Variants in CCBE1 observed in about 807,000 individuals in gnomAD.
CCBE1 encodes the protein collagen and calcium binding EGF domains 1.
CCBE1 carries 37 observed loss-of-function variants against 50.0 expected under a neutral mutation model. The observed-to-expected ratio is 0.74, with a 90% CI of 0.57 to 0.97. The LOEUF is 0.97. Ranked by LOEUF, CCBE1 falls within the 50% of genes least tolerant of loss-of-function variation. The pLI is 0.00. For missense variants in CCBE1, 538 were observed against 523.8 expected, an observed-to-expected ratio of 1.03 and a Z score of -0.26; for synonymous variants, 234 against 203.7, an observed-to-expected ratio of 1.15 and a Z score of -1.27.
At chr18:59,562,897 C>T (rs78059628) in intron 2 of CCBE1, among the ~76,000 whole-genome samples, 17 of 151,942 alleles carry the variant, frequency 1.1e-4, no homozygotes, top group Admixed American at 8.5e-4. Flanking sequence ...GTTTCGATCT[C>T]GTTTGTTTCA....
At chr18:59,621,913 T>A (rs985964275) in intron 2 of CCBE1, among the ~76,000 whole-genome samples, 1 of 152,158 alleles carries the variant, frequency 6.6e-6, no homozygotes, top group South Asian at 2.1e-4. Flanking sequence ...ACAGATGTCA[T>A]CCTTGGTGAC....
intron 2 of CCBE1, among the ~76,000 whole-genome samples, chr18:59,631,638 C>G (rs1329665401): frequency 6.6e-6 from 1 of 152,184 alleles, no homozygotes; most frequent in African/African-American, 2.4e-5. Context: ...GTGAGAGCAG[C>G]ATGGTTCAAG....
chr18:59,434,562 C>T lies in CCBE1; in HGVS notation c.*1346G>A, dbSNP rs370722132. ...TGCTTCCCTTTGCCACCCAGAGGTG[C>T]TCTGAGAAAACACTCTAACTCACTA... On this transcript the variant is annotated 3_prime_UTR_variant, in exon 11 of 11. Transcript: ENST00000439986. The T allele has an allele frequency of 7.2e-5, 11 of 152,288 alleles. No homozygotes were observed. The highest frequency in any genetic ancestry group is 4.1e-4 in the South Asian group (2 of 4,824). 9.4% of individuals were successfully genotyped at this position (152,288 alleles called of 1,614,324 possible).
At chr18:59,487,329 G>T (rs1912871639) in intron 2 of CCBE1, among the ~76,000 whole-genome samples, 1 of 151,938 alleles carries the variant, frequency 6.6e-6, no homozygotes, top group African/African-American at 2.4e-5. Flanking sequence ...AAGGCTGAGG[G>T]TTTAAAAGTG....
intron 2 of CCBE1, among the ~76,000 whole-genome samples, chr18:59,559,340 C>T (rs2052699963): frequency 1.3e-5 from 2 of 152,204 alleles, no homozygotes; most frequent in African/African-American, 4.8e-5. Context: ...CAGGCTTACC[C>T]AGTGATCTGT....
At chr18:59,693,179 A>G (rs2054759396) in intron 2 of CCBE1, among the ~76,000 whole-genome samples, 1 of 152,178 alleles carries the variant, frequency 6.6e-6, no homozygotes, top group African/African-American at 2.4e-5. Flanking sequence ...TGTTGCAGGA[A>G]GTCCCTTGCC....
chr18:59,577,702 C>T (rs1320259110), intron 2 of CCBE1, among the ~76,000 whole-genome samples: 5 of 152,156 alleles, frequency 3.3e-5, no homozygotes, highest in Admixed American at 1.3e-4. Context: ...TGTAGTGTTA[C>T]TGTATGAAAT....
chr18:59,690,589 G>T (rs1249895717), intron 2 of CCBE1, among the ~76,000 whole-genome samples: 1 of 152,200 alleles, frequency 6.6e-6, no homozygotes, highest in Non-Finnish European at 1.5e-5. Flanking sequence ...ACCCACCCCA[G>T]CTTCACTTAC....
intron 2 of CCBE1, among the ~76,000 whole-genome samples, chr18:59,545,348 C>A (rs890106458): frequency 1.4e-5 from 2 of 146,768 alleles, no homozygotes; most frequent in African/African-American, 4.9e-5. Flanking sequence ...GCACTCTCAA[C>A]ACAATTTCAC....
chr18:59,582,527 G>C (rs2053100754), intron 2 of CCBE1, among the ~76,000 whole-genome samples: 1 of 152,168 alleles, frequency 6.6e-6, no homozygotes, highest in South Asian at 2.1e-4. Context: ...CAGAGACTGA[G>C]GCAAGAGACT....
At chr18:59,443,592 A>G (rs943275237) in intron 7 of CCBE1, among the ~76,000 whole-genome samples, 4 of 150,984 alleles carry the variant, frequency 2.6e-5, no homozygotes, top group African/African-American at 7.3e-5. Flanking sequence ...TCAACCTCCC[A>G]AGTAGATGGG....
At chr18:59,477,245 G>A (rs961347481) in intron 3 of CCBE1, among the ~76,000 whole-genome samples, 10 of 152,298 alleles carry the variant, frequency 6.6e-5, no homozygotes, top group African/African-American at 2.4e-4. Flanking sequence ...CACCTTAGGT[G>A]GTCCCTTAGT....
intron 2 of CCBE1, among the ~76,000 whole-genome samples, chr18:59,624,401 G>A (rs1294319952): frequency 6.6e-6 from 1 of 152,210 alleles, no homozygotes; most frequent in Non-Finnish European, 1.5e-5. Flanking sequence ...GTGAGCATCA[G>A]TACTGATACA....
chr18:59,672,364 T>C (rs548774990), intron 2 of CCBE1, among the ~76,000 whole-genome samples: 113 of 152,300 alleles, frequency 7.4e-4, no homozygotes, highest in African/African-American at 2.7e-3. Context: ...CCTGCTTTGA[T>C]CAATATTATG....
At chr18:59,464,513 T>C (rs1911650423) in intron 5 of CCBE1, among the ~76,000 whole-genome samples, 1 of 152,238 alleles carries the variant, frequency 6.6e-6, no homozygotes, top group African/African-American at 2.4e-5. Context: ...CAAGCCCGTT[T>C]CCTCTGCCCT....
At chr18:59,503,566 T>A (rs1336186817) in intron 2 of CCBE1, among the ~76,000 whole-genome samples, 1 of 152,182 alleles carries the variant, frequency 6.6e-6, no homozygotes, top group Non-Finnish European at 1.5e-5. Context: ...CCCTTCTCCA[T>A]CCCTGCTACA....
intron 2 of CCBE1, among the ~76,000 whole-genome samples, chr18:59,510,231 A>C (rs571159759): frequency 1.7e-4 from 26 of 152,314 alleles, no homozygotes; most frequent in Non-Finnish European, 3.5e-4. Context: ...TGGGGCCATT[A>C]GCCATATTTC....
intron 2 of CCBE1, among the ~76,000 whole-genome samples, chr18:59,616,209 C>T (rs912533056): frequency 6.6e-6 from 1 of 152,026 alleles, no homozygotes; most frequent in African/African-American, 2.4e-5. Context: ...TCATAGTGGG[C>T]AGAGTGGGGG....
intron 2 of CCBE1, among the ~76,000 whole-genome samples, chr18:59,600,146 C>G (rs1208991700): frequency 6.6e-6 from 1 of 152,134 alleles, no homozygotes; most frequent in African/African-American, 2.4e-5. Flanking sequence ...GGTCTGTGGC[C>G]TGTTAGGAAC....
Sources: allele counts gnomAD v4.1 joint callset (sites outside exome capture counted in the v4.1 genomes callset), GRCh38; gene constraint gnomAD v4.1.1; transcripts MANE v1.5; gene names NCBI Gene and HGNC (gene_info 2026-07-23, HGNC 2026-07-21).